The following JAK1 variants were observed in gnomAD, a reference collection of about 807,000 sequenced individuals.
JAK1 encodes Janus kinase 1, also known as tyrosine-protein kinase JAK1.
A neutral mutation model predicts 136.6 loss-of-function variants in JAK1; 16 were observed. The ratio of observed to expected loss-of-function variants is 0.12; its 90% CI spans 0.08 to 0.18. The LOEUF (loss-of-function observed/expected upper bound fraction) is 0.18, where lower values mean the gene tolerates loss of function less well. Among genes scored for constraint, JAK1 ranks in the 10% least tolerant of loss-of-function variants. The pLI is 1.00. For missense variants in JAK1, 859 were observed against 1,450.1 expected (o/e 0.59, Z 6.62); for synonymous variants, 492 against 519.5 (o/e 0.95, Z 0.72).
upstream of JAK1, among the ~76,000 whole-genome samples, chr1:64,971,102 T>C (rs1646448217): frequency 6.6e-6 from 1 of 152,202 alleles, no homozygotes; most frequent in South Asian, 2.1e-4. Flanking sequence ...TAAATCCCCA[T>C]TGTACAAATC....
At chr1:64,884,784 T>C (rs1644827148) in intron 2 of JAK1, among the ~76,000 whole-genome samples, 1 of 152,192 alleles carries the variant, frequency 6.6e-6, no homozygotes, top group African/African-American at 2.4e-5. Flanking sequence ...TCCCATTCCC[T>C]AAGGCCCTCG....
At chr1:65,049,517 TAGA>T (rs1318746384) in intron 1 of JAK1, among the ~76,000 whole-genome samples, 3 of 152,172 alleles carry the variant, frequency 2.0e-5, no homozygotes, top group East Asian at 1.9e-4. Flanking sequence ...GGTTGGTCCC[TAGA>T]AGAACCACCC....
At chr1:65,039,803 C>T (rs925742810) in intron 2 of JAK1, among the ~76,000 whole-genome samples, 4 of 152,194 alleles carry the variant, frequency 2.6e-5, no homozygotes, top group African/African-American at 9.7e-5. Context: ...TGGTTCCTTC[C>T]TGAGGATTCC....
chr1:64,909,427 G>C (rs1346646972), intron 1 of JAK1, among the ~76,000 whole-genome samples: 1 of 151,964 alleles, frequency 6.6e-6, no homozygotes, highest in African/African-American at 2.4e-5. Flanking sequence ...GGGGAGAAGA[G>C]GACAAGACAA....
intron 2 of JAK1, among the ~76,000 whole-genome samples, chr1:65,026,689 G>A (rs1646980124): frequency 6.6e-6 from 1 of 152,186 alleles, no homozygotes. Context: ...GTTTGGCCAG[G>A]TGCAGTGGCT....
intron 2 of JAK1, among the ~76,000 whole-genome samples, chr1:65,032,037 C>G (rs889699306): frequency 6.6e-6 from 1 of 150,824 alleles, no homozygotes; most frequent in South Asian, 2.1e-4. Flanking sequence ...GCGATCTCAG[C>G]TCACTGCAAC....
chr1:65,055,015 T>A (rs772491761), intron 1 of JAK1, among the ~76,000 whole-genome samples: 18 of 152,332 alleles, frequency 1.2e-4, no homozygotes, highest in Middle Eastern at 3.4e-3. Flanking sequence ...TCTCTTTTAT[T>A]GTGGTAAAAT....
At chr1:64,992,393 TAAAA>T (rs1646665454) in intron 2 of JAK1, 1 of 150,174 alleles carries the variant, frequency 6.7e-6, no homozygotes, top group African/African-American at 2.4e-5. Flanking sequence ...AAATAAAAAA[TAAAA>T]AATTCATATG....
At chr1:64,904,746 T>TAC (rs56049405) in intron 1 of JAK1, among the ~76,000 whole-genome samples, 77,664 of 151,016 alleles carry the variant, frequency 0.51, 23,651 homozygotes, top group Middle Eastern at 0.71. Flanking sequence ...CACACATATA[T>TAC]ACACACACAC....
chr1:64,965,091 T>A (rs1646348438), intron 1 of JAK1, among the ~76,000 whole-genome samples: 1 of 152,102 alleles, frequency 6.6e-6, no homozygotes. Flanking sequence ...TATACCCATA[T>A]TTAACTCAAA....
chr1:65,041,687 T>A (rs61149206), intron 2 of JAK1, among the ~76,000 whole-genome samples: 32,749 of 152,084 alleles, frequency 0.22, 4,025 homozygotes, highest in African/African-American at 0.33. Context: ...AAGCAAATAC[T>A]TATACTATAT....
At chr1:64,998,177 C>T (rs1011552239) in intron 2 of JAK1, among the ~76,000 whole-genome samples, 2 of 152,006 alleles carry the variant, frequency 1.3e-5, no homozygotes, top group African/African-American at 4.8e-5. Context: ...AGAGAGATTA[C>T]AAGACTTGGA....
At chr1:64,987,497 T>C (rs1646610990) in intron 2 of JAK1, 1 of 152,208 alleles carries the variant, frequency 6.6e-6, no homozygotes, top group Non-Finnish European at 1.5e-5. Flanking sequence ...TGAACAGAAG[T>C]GCAAAGGGCA....
chr1:64,929,256 T>C (rs1032516893), intron 1 of JAK1, among the ~76,000 whole-genome samples: 8 of 152,218 alleles, frequency 5.3e-5, no homozygotes, highest in Non-Finnish European at 1.0e-4. Context: ...GACCATACAT[T>C]ATCATCTGTC....
intron 1 of JAK1, among the ~76,000 whole-genome samples, chr1:64,896,203 C>T (rs1331980982): frequency 6.6e-6 from 1 of 152,176 alleles, no homozygotes; most frequent in East Asian, 1.9e-4. Context: ...TTTTTGCATC[C>T]TTGAAGCACA....
chr1:64,992,366 TGA>T (rs1289553317), intron 2 of JAK1: 2 of 148,516 alleles, frequency 1.3e-5, no homozygotes, highest in African/African-American at 5.0e-5. Context: ...GGCAACAGAG[TGA>T]GAGTCGGTCT....
intron 1 of JAK1, among the ~76,000 whole-genome samples, chr1:64,932,369 C>T (rs1176867266): frequency 2.6e-5 from 4 of 152,050 alleles, no homozygotes; most frequent in Non-Finnish European, 5.9e-5. Context: ...GCCGAGATCG[C>T]GCCACTGTAC....
chr1:64,978,500 C>T (rs1034134547), intron 2 of JAK1, among the ~76,000 whole-genome samples: 4 of 152,098 alleles, frequency 2.6e-5, no homozygotes, highest in Non-Finnish European at 4.4e-5. Context: ...CTATAATTAA[C>T]GGCAACATAA....
At chr1:64,883,138 T>TGGCAGA in intron 3 of JAK1, 139 bp downstream of exon 3, 1 of 612,122 alleles carries the variant, frequency 1.6e-6, no homozygotes, top group Non-Finnish European at 2.8e-6. Flanking sequence ...CAAGTGGCAG[T>TGGCAGA]GGCAGAGGCA....
Sources: gnomAD v4.1 joint callset for allele counts (sites outside exome capture counted in the v4.1 genomes callset) on GRCh38, gnomAD v4.1.1 for gene constraint, MANE v1.5 for transcripts, NCBI Gene and HGNC (gene_info 2026-07-23, HGNC 2026-07-21) for gene names.